RELN: variants seen among roughly 807,000 people sequenced by gnomAD.
The protein encoded by RELN is reelin.
In RELN, 108 loss-of-function variants were observed where a neutral mutation model predicts 427.6. That is an observed-to-expected ratio of 0.25 (90% CI 0.22 to 0.30). RELN has a LOEUF of 0.30. RELN is among the 10% of genes least tolerant of loss of function. RELN has a pLI of 1.00. For synonymous variants in RELN, 1,524 were observed against 1,513.4 expected (o/e 1.01, Z -0.16); for missense variants, 3,715 against 4,302.8 (o/e 0.86, Z 3.82).
intron 2 of RELN, among the ~76,000 whole-genome samples, chr7:103,842,253 A>G (rs1029391606): frequency 1.3e-5 from 2 of 151,672 alleles, no homozygotes; most frequent in African/African-American, 4.8e-5. Context: ...GGCTTCCATC[A>G]GTTAATAAAA....
chr7:103,498,237 G>T lies in RELN; in HGVS notation c.8683C>A (p.Arg2895Ser). ...THTLKTFLKE[R>S]FDSEEIKPDL... ...GGTTTGATTTCTTCACTGTCAAAGC[G>T]TTCCTTCAGGAAAGTCTGGAAATAA... The change falls in exon 54 of 65, where the codon CGC (arginine) becomes AGC (serine). Residue 2895 changes from arginine to serine, a missense_variant. Coordinates refer to ENST00000428762, the MANE Select transcript of RELN (RefSeq NM_005045.4). The T allele has an allele frequency of 6.2e-7, 1 of 1,613,746 alleles. No individual in the cohort carries two copies. The highest frequency in any genetic ancestry group is 1.3e-5 in the African/African-American group (1 of 74,954).
intron 61 of RELN, among the ~76,000 whole-genome samples, chr7:103,485,229 C>CAAAAAA (rs35324403): frequency 2.1e-5 from 2 of 96,438 alleles, no homozygotes; most frequent in African/African-American, 3.3e-5. Context: ...TTTGGCAGGC[C>CAAAAAA]AAAAAAAAAA....
intron 30 of RELN, among the ~76,000 whole-genome samples, chr7:103,572,504 C>G (rs186663392): frequency 7.2e-5 from 11 of 151,956 alleles, no homozygotes; most frequent in African/African-American, 2.7e-4. Context: ...AAAAGGAAAC[C>G]GTTGAATATC....
At chr7:103,888,352 C>T (rs1444673309) in intron 2 of RELN, among the ~76,000 whole-genome samples, 4 of 152,048 alleles carry the variant, frequency 2.6e-5, no homozygotes, top group African/African-American at 9.7e-5. Context: ...TTGCTCTCCC[C>T]ACCTTACCAG....
At chr7:103,478,276 ATT>A (rs767713233) in intron 64 of RELN, 111 bp downstream of exon 64, 7,182 of 551,974 alleles carry the variant, frequency 0.013, no homozygotes, top group South Asian at 0.016. Context: ...GTTTTCATAG[ATT>A]TTTTTTTTTT....
Position 103,554,970 on chromosome 7 carries a change from T to C in RELN, c.5798-1139A>G, listed in dbSNP as rs1830492187. ...CTGATACGTAATTGCATTTATTTGT[T>C]TATTTAATACAGAAGAAAAATATTC... On this transcript the variant is annotated intron_variant, in intron 38 of 64. Coordinates refer to ENST00000428762, the MANE Select transcript of RELN (RefSeq NM_005045.4). Among the ~76,000 whole-genome samples the C allele has an allele frequency of 2.6e-5, 4 of 152,328 alleles. No individual in the cohort carries two copies. The South Asian group carries it at 8.3e-4, about 32-fold the overall frequency.
At chr7:103,490,566 T>G in intron 59 of RELN, 102 bp downstream of exon 59, 2 of 1,258,772 alleles carry the variant, frequency 1.6e-6, no homozygotes, top group South Asian at 1.2e-5. Context: ...CAGGGCTGCA[T>G]GTAAAGCTCT....
intron 12 of RELN, 36 bp downstream of exon 12, chr7:103,661,340 C>A (rs746256990): frequency 6.2e-7 from 1 of 1,608,886 alleles, no homozygotes; most frequent in Non-Finnish European, 8.5e-7. Context: ...CTAGGATTTG[C>A]CCCACGGTGA....
intron 2 of RELN, among the ~76,000 whole-genome samples, chr7:103,912,918 A>AC (rs541731961): frequency 6.6e-6 from 1 of 151,274 alleles, no homozygotes; most frequent in African/African-American, 2.4e-5. Context: ...AGAGAGAATC[A>AC]TTTTTTTTTC....
intron 11 of RELN, among the ~76,000 whole-genome samples, chr7:103,666,044 T>C (rs1011512300): frequency 4.6e-5 from 7 of 152,012 alleles, no homozygotes; most frequent in African/African-American, 1.7e-4. Flanking sequence ...TAAAAAGTTT[T>C]CTTTGATTTT....
At chr7:103,840,253 C>A (rs1335901088) in intron 2 of RELN, among the ~76,000 whole-genome samples, 1 of 152,202 alleles carries the variant, frequency 6.6e-6, no homozygotes, top group African/African-American at 2.4e-5. Flanking sequence ...ACGAAGTAGC[C>A]TGGATTCCAG....
intron 1 of RELN, among the ~76,000 whole-genome samples, chr7:103,973,786 T>C (rs1389598979): frequency 2.0e-4 from 31 of 152,192 alleles, no homozygotes; most frequent in Admixed American, 2.0e-3. Context: ...AGACTATAAA[T>C]AGATTAAATA....
At chr7:103,835,402 G>T (rs1442723789) in intron 2 of RELN, among the ~76,000 whole-genome samples, 8 of 152,168 alleles carry the variant, frequency 5.3e-5, no homozygotes, top group African/African-American at 1.7e-4. Flanking sequence ...CAAACACATA[G>T]AATGTACACA....
chr7:103,731,638 T>A (rs553378305), intron 6 of RELN, among the ~76,000 whole-genome samples: 3 of 152,194 alleles, frequency 2.0e-5, no homozygotes, highest in Admixed American at 2.0e-4. Context: ...ATCCAACTTT[T>A]AGAAAAATTA....
At chr7:103,930,186 C>A (rs1156911602) in intron 1 of RELN, among the ~76,000 whole-genome samples, 1 of 152,146 alleles carries the variant, frequency 6.6e-6, no homozygotes, top group Non-Finnish European at 1.5e-5. Flanking sequence ...CTGAAGCCTC[C>A]CTCCTCAGCT....
At chr7:103,933,219 A>C (rs1795902587) in intron 1 of RELN, among the ~76,000 whole-genome samples, 1 of 152,208 alleles carries the variant, frequency 6.6e-6, no homozygotes, top group Non-Finnish European at 1.5e-5. Context: ...TAAAACAATT[A>C]GGAAGTGATG....
At chr7:103,725,523 GCACACCTGGA>G (rs1373929287) in intron 7 of RELN, among the ~76,000 whole-genome samples, 1 of 152,140 alleles carries the variant, frequency 6.6e-6, no homozygotes, top group African/African-American at 2.4e-5. Flanking sequence ...AGCCATGATG[GCACACCTGGA>G]CACCAGCCTA....
intron 55 of RELN, among the ~76,000 whole-genome samples, chr7:103,497,397 C>T (rs1258667817): frequency 2.0e-5 from 3 of 152,018 alleles, no homozygotes; most frequent in South Asian, 2.1e-4. Flanking sequence ...GACAAACTCA[C>T]AAAATCAGAC....
chr7:103,656,954 A>G (rs919778650), intron 12 of RELN, among the ~76,000 whole-genome samples: 2 of 152,076 alleles, frequency 1.3e-5, no homozygotes, highest in Admixed American at 6.6e-5. Flanking sequence ...CATAGTCCCA[A>G]AGTAAAGCAT....
Sources: gnomAD v4.1 joint callset for allele counts (sites outside exome capture counted in the v4.1 genomes callset) on GRCh38, gnomAD v4.1.1 for gene constraint, MANE v1.5 for transcripts, NCBI Gene and HGNC (gene_info 2026-07-23, HGNC 2026-07-21) for gene names.